The following CCNY variants were observed in gnomAD, a reference collection of about 807,000 sequenced individuals.
CCNY encodes cyclin Y.
A neutral mutation model predicts 42.8 loss-of-function variants in CCNY; 19 were observed. The observed-to-expected ratio is 0.44, with a 90% CI of 0.31 to 0.65. CCNY has a LOEUF of 0.65. Among genes scored for constraint, CCNY ranks in the 30% least tolerant of loss-of-function variants. The pLI, the probability that CCNY is intolerant of heterozygous loss-of-function variation, is 0.07. For synonymous variants in CCNY, 165 were observed against 162.7 expected (o/e 1.01, Z -0.11); for missense variants, 370 against 437.3 (o/e 0.85, Z 1.37).
Position 35,545,709 on chromosome 10 carries a change from C to T in CCNY, c.580-7310C>T, listed in dbSNP as rs866220185. The stretch of plus-strand genomic sequence containing the variant: ...CATATCCACAGGATACCAACAGAAT[C>T]GTGTAAGATTTGTATTAAGATCTCT... On this transcript the variant is annotated intron_variant, in intron 7 of 9. Coordinates refer to ENST00000374704, the MANE Select transcript of CCNY (RefSeq NM_145012.6). Among the ~76,000 whole-genome samples, 5 of 152,152 alleles carry T rather than the reference C, an allele frequency of 3.3e-5. No homozygotes were observed. The South Asian group carries it at 6.2e-4, about 19-fold the overall frequency.
chr10:35,413,268 G>T (rs560057326), intron 1 of CCNY, among the ~76,000 whole-genome samples: 2 of 152,264 alleles, frequency 1.3e-5, no homozygotes, highest in South Asian at 2.1e-4. Flanking sequence ...TAGGGGTGGA[G>T]GTGGTTGGAT....
chr10:35,554,015 A>G (rs1350069466), intron 8 of CCNY, among the ~76,000 whole-genome samples: 1 of 152,132 alleles, frequency 6.6e-6, no homozygotes, highest in Non-Finnish European at 1.5e-5. Flanking sequence ...TTGTTGCTAA[A>G]ACTTTTCTCA....
At chr10:35,331,162 T>C (rs1388843518) in intron 3 of CCNY, among the ~76,000 whole-genome samples, 3 of 152,244 alleles carry the variant, frequency 2.0e-5, no homozygotes, top group African/African-American at 2.4e-5. Context: ...GGCATACTGC[T>C]GTTCCTCACA....
intron 3 of CCNY, among the ~76,000 whole-genome samples, chr10:35,308,263 G>A (rs907991329): frequency 6.6e-6 from 1 of 151,982 alleles, no homozygotes; most frequent in African/African-American, 2.4e-5. Flanking sequence ...AGGAGGAGGT[G>A]GGAGGCTGGG....
At position 35,401,619 on chromosome 10, in the gene CCNY, G is replaced by A. The variant is rs879896048; in HGVS notation, c.154+64412G>A. The stretch of plus-strand genomic sequence containing the variant: ...GCAGTAGTAATTGTCTCATGTGTGC[G>A]TGTGAAGAGACCACCAAACAGGCTT... On this transcript the variant is annotated intron_variant, in intron 1 of 9. Transcript: ENST00000374704. 4.7e-5 allele frequency among the ~76,000 whole-genome samples: 7 copies of A among 149,944 alleles called. No individual in the cohort carries two copies. In the South Asian group the frequency reaches 1.0e-3, roughly 22 times the overall value.
intron 3 of CCNY, among the ~76,000 whole-genome samples, chr10:35,515,290 G>A (rs1252304944): frequency 6.6e-6 from 1 of 152,218 alleles, no homozygotes. Flanking sequence ...TGCTTCAGCA[G>A]CGCAGTGCTA....
chr10:35,501,508 A>T lies in CCNY; in HGVS notation c.237A>T (p.Glu79Asp). 1 of 1,613,994 alleles carries T rather than the reference A, an allele frequency of 6.2e-7. No homozygotes were observed. Among genetic ancestry groups the T allele is most frequent in the South Asian group, 1.1e-5 (1 of 91,070 alleles). The change falls in exon 3 of 10, where the codon GAA (glutamate) becomes GAT (aspartate). Residue 79 changes from glutamate to aspartate, a missense_variant. Physicochemically the swap from Glu to Asp is conservative, Grantham distance 45. Around this residue, in one of 2 missense-constraint regions of CCNY, gnomAD observed 136 missense variants for 124.2 expected, o/e 1.09. Transcript: ENST00000374704. ...CATCTTTTGTTTTCACAGTGAGAGA[A>T]AAACGCAAGAGTCTCTTCATTAACC... The part of the protein sequence containing the change: ...FLSKSQTDVR[E>D]KRKSLFINHH...
intron 2 of CCNY, among the ~76,000 whole-genome samples, chr10:35,500,347 G>A (rs1400620273): frequency 2.0e-5 from 3 of 152,242 alleles, no homozygotes; most frequent in Non-Finnish European, 4.4e-5. Flanking sequence ...TCATTCCAGA[G>A]AGGACAAGAC....
At chr10:35,252,810 C>A (rs1052806024) in intron 3 of CCNY, among the ~76,000 whole-genome samples, 10 of 152,106 alleles carry the variant, frequency 6.6e-5, no homozygotes, top group African/African-American at 2.2e-4. Context: ...TTGTATACAA[C>A]CTCTGTTTCG....
intron 1 of CCNY, among the ~76,000 whole-genome samples, chr10:35,405,188 T>TAA (rs975921596): frequency 1.3e-5 from 2 of 152,150 alleles, no homozygotes. Flanking sequence ...TTACAGGCTT[T>TAA]AAAAGGCCAT....
chr10:35,368,849 C>T (rs780817761), intron 1 of CCNY, among the ~76,000 whole-genome samples: 4 of 151,532 alleles, frequency 2.6e-5, no homozygotes, highest in Admixed American at 6.6e-5. Flanking sequence ...TTTTCTTAAC[C>T]GGTGCTCGGA....
In CCNY at chr10:35,265,481, C is replaced by T. The variant is rs555724682; in HGVS notation, c.-9+14855C>T. Among the ~76,000 whole-genome samples the T allele has an allele frequency of 2.0e-5, 3 of 152,306 alleles. No homozygotes were observed. In the East Asian group the frequency reaches 5.8e-4, roughly 29 times the overall value. On this transcript the variant is annotated intron_variant, in intron 3 of 11. Transcript: ENST00000374706. The stretch of plus-strand genomic sequence containing the variant: ...CTTTCCACTGTCATTTATTAAACTT[C>T]ACTTTGCAACTTTGGTGCATAAATC...
At chr10:35,248,807 C>G (rs2095709894) in intron 2 of CCNY, among the ~76,000 whole-genome samples, 1 of 152,182 alleles carries the variant, frequency 6.6e-6, no homozygotes, top group South Asian at 2.1e-4. Flanking sequence ...CCACCACACT[C>G]CAGCCTGAGC....
intron 1 of CCNY, among the ~76,000 whole-genome samples, chr10:35,441,478 G>A (rs775728894): frequency 3.9e-5 from 6 of 152,164 alleles, no homozygotes; most frequent in Non-Finnish European, 5.9e-5. Context: ...TGGAAAAAGC[G>A]GTAGGAGGCT....
intron 3 of CCNY, among the ~76,000 whole-genome samples, chr10:35,513,684 A>G (rs1007377176): frequency 2.6e-5 from 4 of 152,162 alleles, no homozygotes; most frequent in African/African-American, 9.7e-5. Context: ...AGGCCAGGTA[A>G]CTTGCCCAGG....
intron 1 of CCNY, among the ~76,000 whole-genome samples, chr10:35,370,675 T>A (rs1477592734): frequency 6.6e-6 from 1 of 151,438 alleles, no homozygotes; most frequent in Non-Finnish European, 1.5e-5. Flanking sequence ...TTACAACACT[T>A]TTCTTCCTTT....
At chr10:35,472,295 A>G (rs1839406506) in intron 1 of CCNY, among the ~76,000 whole-genome samples, 1 of 152,240 alleles carries the variant, frequency 6.6e-6, no homozygotes, top group South Asian at 2.1e-4. Flanking sequence ...AAGTGAATTC[A>G]AATCTGGATC....
intron 1 of CCNY, among the ~76,000 whole-genome samples, chr10:35,475,071 G>A (rs901454033): frequency 6.6e-6 from 1 of 152,154 alleles, no homozygotes; most frequent in East Asian, 1.9e-4. Context: ...AATGAAGCGA[G>A]AAGGAAAGTT....
chr10:35,446,021 T>C (rs1341428252), intron 1 of CCNY, among the ~76,000 whole-genome samples: 1 of 152,226 alleles, frequency 6.6e-6, no homozygotes, highest in African/African-American at 2.4e-5. Context: ...TGGGCAGATC[T>C]ATTAAAAATA....
Sources: allele counts gnomAD v4.1 joint callset (sites outside exome capture counted in the v4.1 genomes callset), GRCh38; gene constraint gnomAD v4.1.1; regional missense constraint gnomAD v4.1.1; transcripts MANE v1.5; gene names NCBI Gene and HGNC (gene_info 2026-07-23, HGNC 2026-07-21).